The following FAR2 variants were observed in gnomAD, a reference collection of about 807,000 sequenced individuals.
FAR2 encodes fatty acyl-CoA reductase 2.
FAR2 carries 19 observed loss-of-function variants against 56.0 expected under a neutral mutation model. The observed-to-expected ratio is 0.34, with a 90% CI of 0.24 to 0.50. The LOEUF is 0.50. Among genes scored for constraint, FAR2 ranks in the 20% least tolerant of loss-of-function variants. The pLI, the probability that FAR2 is intolerant of heterozygous loss-of-function variation, is 0.98. For missense variants in FAR2, 508 were observed against 642.2 expected, an observed-to-expected ratio of 0.79 and a Z score of 2.26; for synonymous variants, 219 against 218.8, an observed-to-expected ratio of 1.00 and a Z score of -0.01.
At chr12:29,198,634 A>AT (rs34949520) in intron 1 of FAR2, among the ~76,000 whole-genome samples, 2 of 151,902 alleles carry the variant, frequency 1.3e-5, no homozygotes, top group Admixed American at 1.3e-4. Context: ...TCATGTTTTG[A>AT]TTTTTTTTCC....
At chr12:29,259,149 T>A (rs1300510616) in intron 1 of FAR2, among the ~76,000 whole-genome samples, 1 of 152,222 alleles carries the variant, frequency 6.6e-6, no homozygotes, top group African/African-American at 2.4e-5. Context: ...AAATGGTTCA[T>A]TGACAGAAGG....
At chr12:29,283,524 A>C (rs1397428904) in intron 2 of FAR2, among the ~76,000 whole-genome samples, 1 of 152,226 alleles carries the variant, frequency 6.6e-6, no homozygotes, top group Non-Finnish European at 1.5e-5. Context: ...ATCAATCATG[A>C]ATTTACAAAA....
At chr12:29,246,311 A>G (rs1948127498) in intron 1 of FAR2, among the ~76,000 whole-genome samples, 1 of 152,180 alleles carries the variant, frequency 6.6e-6, no homozygotes, top group Admixed American at 6.5e-5. Context: ...AGAAAAAAAA[A>G]GATCAAGTTT....
intron 1 of FAR2, among the ~76,000 whole-genome samples, chr12:29,263,782 C>A (rs1170189147): frequency 6.6e-6 from 1 of 151,386 alleles, no homozygotes; most frequent in East Asian, 2.0e-4. Context: ...CCTGCATAGA[C>A]CAATAACAAG....
rs556925700 is a variant in FAR2 at position 29,214,684 on chromosome 12, G to T, written c.-38-55728G>T. ...AAAAATAAAAAAATTAGCTAGGCGT[G>T]GGGGTGGGTGCCTGTAATCCCAGCT... On this transcript the variant is annotated intron_variant, in intron 1 of 11. Coordinates refer to ENST00000536681, the MANE Select transcript of FAR2 (RefSeq NM_001271783.2). Among the ~76,000 whole-genome samples, 5 of 152,086 alleles carry T rather than the reference G, an allele frequency of 3.3e-5. No homozygotes were observed. The East Asian group carries it at 5.8e-4, about 18-fold the overall frequency.
intron 2 of FAR2, among the ~76,000 whole-genome samples, chr12:29,271,331 C>T (rs1292884953): frequency 6.6e-6 from 1 of 152,186 alleles, no homozygotes; most frequent in Non-Finnish European, 1.5e-5. Flanking sequence ...GGTTCAAATT[C>T]TGGCTTATGA....
At chr12:29,246,528 C>T (rs1408363393) in intron 1 of FAR2, among the ~76,000 whole-genome samples, 5 of 152,058 alleles carry the variant, frequency 3.3e-5, no homozygotes, top group Non-Finnish European at 7.4e-5. Flanking sequence ...CACTTTAGAT[C>T]GATAAACAAA....
intron 10 of FAR2, among the ~76,000 whole-genome samples, chr12:29,327,699 A>G (rs1949671056): frequency 6.6e-6 from 1 of 152,248 alleles, no homozygotes; most frequent in African/African-American, 2.4e-5. Flanking sequence ...CTGGCTAGCC[A>G]TATGGAGAAA....
chr12:29,313,488 G>A (rs570414814), intron 8 of FAR2, among the ~76,000 whole-genome samples: 1 of 152,068 alleles, frequency 6.6e-6, no homozygotes, highest in Non-Finnish European at 1.5e-5. Flanking sequence ...GTCTGAAAGT[G>A]TTTGTGTAAT....
At chr12:29,280,453 G>A (rs1487910684) in intron 2 of FAR2, 10 of 151,890 alleles carry the variant, frequency 6.6e-5, no homozygotes, top group African/African-American at 1.2e-4. Flanking sequence ...AACTTTTTGC[G>A]GGAAAGGAAA....
intron 1 of FAR2, among the ~76,000 whole-genome samples, chr12:29,178,145 G>A (rs187721822): frequency 6.6e-6 from 1 of 151,374 alleles, no homozygotes; most frequent in East Asian, 2.0e-4. Context: ...AGAAATAGTG[G>A]CCTAAATGGA....
At chr12:29,274,080 A>C (rs545414006) in intron 2 of FAR2, among the ~76,000 whole-genome samples, 1 of 151,968 alleles carries the variant, frequency 6.6e-6, no homozygotes, top group South Asian at 2.1e-4. Flanking sequence ...TTTAAGTTTT[A>C]GGGTACGTGT....
At chr12:29,217,249 G>T (rs1055082614) in intron 1 of FAR2, among the ~76,000 whole-genome samples, 16 of 152,178 alleles carry the variant, frequency 1.1e-4, no homozygotes, top group African/African-American at 3.6e-4. Flanking sequence ...TTTCCTGGAG[G>T]CATCTGCTCA....
intron 1 of FAR2, among the ~76,000 whole-genome samples, chr12:29,228,681 G>T (rs927077887): frequency 2.6e-5 from 4 of 152,160 alleles, no homozygotes; most frequent in Non-Finnish European, 4.4e-5. Flanking sequence ...TCTGCCTCCT[G>T]GGTTCAAGCC....
Position 29,314,280 on chromosome 12 carries a change from T to C in FAR2, c.955+2330T>C, listed in dbSNP as rs139901566. On this transcript the variant is annotated intron_variant, in intron 8 of 11. Coordinates refer to ENST00000536681, the MANE Select transcript of FAR2 (RefSeq NM_001271783.2). ...TTCATTCACTCCTGTATTCATTAAATAGGCATTATTCTTGGGCTATGGATA... is the reference window on the plus strand; with the variant it reads ...TTCATTCACTCCTGTATTCATTAAACAGGCATTATTCTTGGGCTATGGATA... Among the ~76,000 whole-genome samples, 1,030 of 152,280 alleles carry C rather than the reference T, an allele frequency of 6.8e-3. 12 individuals carry two copies. Among genetic ancestry groups the C allele is most frequent in the African/African-American group, 0.024 (977 of 41,552 alleles).
chr12:29,300,494 CTT>C (rs1442456916), intron 4 of FAR2, among the ~76,000 whole-genome samples: 1 of 152,156 alleles, frequency 6.6e-6, no homozygotes, highest in Non-Finnish European at 1.5e-5. Flanking sequence ...TAGGAAAATA[CTT>C]TGTTTCTTTG....
intron 1 of FAR2, among the ~76,000 whole-genome samples, chr12:29,225,460 A>ATTG (rs1223457615): frequency 6.6e-6 from 1 of 152,214 alleles, no homozygotes; most frequent in Non-Finnish European, 1.5e-5. Flanking sequence ...CTATATTATT[A>ATTG]TTGTTGTTGT....
In FAR2 at chr12:29,269,276, A is replaced by G. The variant is rs138753862; in HGVS notation, c.-38-1136A>G. 5.1e-4 allele frequency among the ~76,000 whole-genome samples: 78 copies of G among 152,312 alleles called. 1 individual carries two copies. In the East Asian group the frequency reaches 0.012, roughly 23 times the overall value. On this transcript the variant is annotated intron_variant, in intron 1 of 11. Transcript: ENST00000536681. ...TTCTCAGGGATGTTCTTTGCTGAGA[A>G]AAAGAATTCAGCAATATTTCTCCCA...
intron 10 of FAR2, among the ~76,000 whole-genome samples, 150 bp from the exon 11 acceptor site, chr12:29,332,447 AAAT>A (rs1284530125): frequency 6.6e-6 from 1 of 152,132 alleles, no homozygotes; most frequent in African/African-American, 2.4e-5. Flanking sequence ...AGTACCTTTG[AAAT>A]AATGACTCAA....
Sources: gnomAD v4.1 joint callset for allele counts (sites outside exome capture counted in the v4.1 genomes callset) on GRCh38, gnomAD v4.1.1 for gene constraint, MANE v1.5 for transcripts, NCBI Gene and HGNC (gene_info 2026-07-23, HGNC 2026-07-21) for gene names.